Variants in SLC35F4 observed in about 807,000 individuals in gnomAD.
SLC35F4 encodes the protein chromosome 14 open reading frame 36.
Under a neutral mutation model 44.2 loss-of-function variants are expected in SLC35F4, and 24 were observed. That is an observed-to-expected ratio of 0.54 (90% confidence interval 0.39 to 0.76). The LOEUF (loss-of-function observed/expected upper bound fraction) is 0.76. SLC35F4 is among the 30% of genes least tolerant of loss of function. The probability of loss-of-function intolerance (pLI) is 0.00; values close to 1 mark genes in which losing one functional copy is unlikely to be tolerated. For missense variants in SLC35F4, 562 were observed against 586.1 expected, an observed-to-expected ratio of 0.96 and a Z score of 0.42; for synonymous variants, 238 against 223.6, an observed-to-expected ratio of 1.06 and a Z score of -0.57.
At chr14:57,959,520 C>T (rs1181071981) in intron 1 of SLC35F4, among the ~76,000 whole-genome samples, 1 of 152,186 alleles carries the variant, frequency 6.6e-6, no homozygotes, top group Non-Finnish European at 1.5e-5. Flanking sequence ...CAGAAATTAA[C>T]ATCAGGCCTG....
intron 1 of SLC35F4, among the ~76,000 whole-genome samples, chr14:57,920,751 T>C (rs867787376): frequency 6.6e-6 from 1 of 152,228 alleles, no homozygotes; most frequent in Non-Finnish European, 1.5e-5. Context: ...ATAAATATAG[T>C]AATGTATTCT....
At chr14:57,803,354 A>T (rs191698072) in intron 1 of SLC35F4, among the ~76,000 whole-genome samples, 45 of 152,288 alleles carry the variant, frequency 3.0e-4, no homozygotes, top group African/African-American at 1.0e-3. Context: ...TATCATACTG[A>T]CTGGGCAAAA....
At chr14:57,681,996 C>A (rs1391920852) in intron 1 of SLC35F4, among the ~76,000 whole-genome samples, 1 of 152,154 alleles carries the variant, frequency 6.6e-6, no homozygotes, top group Non-Finnish European at 1.5e-5. Flanking sequence ...TAGGAAACAA[C>A]AGATGCTGGT....
At chr14:57,616,814 A>G (rs1031126436) in intron 1 of SLC35F4, among the ~76,000 whole-genome samples, 3 of 152,054 alleles carry the variant, frequency 2.0e-5, no homozygotes, top group Non-Finnish European at 4.4e-5. Flanking sequence ...AATAAGGACT[A>G]AGTTCCCCTT....
intron 1 of SLC35F4, among the ~76,000 whole-genome samples, chr14:57,633,799 G>C (rs1040196324): frequency 6.6e-6 from 1 of 152,050 alleles, no homozygotes; most frequent in African/African-American, 2.4e-5. Context: ...TTTGAGGCTG[G>C]CTTTCTTCAC....
chr14:57,777,413 G>A (rs1210052440), intron 1 of SLC35F4, among the ~76,000 whole-genome samples: 1 of 152,226 alleles, frequency 6.6e-6, no homozygotes, highest in Non-Finnish European at 1.5e-5. Flanking sequence ...TTAAGAAAAT[G>A]TGGCACATAT....
chr14:57,596,375 C>A, intron 1 of SLC35F4: 1 of 240,280 alleles, frequency 4.2e-6, no homozygotes, highest in Non-Finnish European at 8.2e-6. Flanking sequence ...ATACCTTGTA[C>A]AGCTATGTTT....
At chr14:57,622,111 C>T (rs1259757568) in intron 1 of SLC35F4, among the ~76,000 whole-genome samples, 1 of 133,454 alleles carries the variant, frequency 7.5e-6, no homozygotes, top group African/African-American at 2.8e-5. Flanking sequence ...ATCAAAACCA[C>T]AATGAGATAC....
At chr14:57,617,225 G>A (rs1381871962) in intron 1 of SLC35F4, among the ~76,000 whole-genome samples, 4 of 139,944 alleles carry the variant, frequency 2.9e-5, no homozygotes, top group Non-Finnish European at 4.5e-5. Context: ...CCACCTCCCG[G>A]GTTCATGCCA....
chr14:57,766,033 G>A (rs1375426911), intron 1 of SLC35F4, among the ~76,000 whole-genome samples: 1 of 152,148 alleles, frequency 6.6e-6, no homozygotes, highest in African/African-American at 2.4e-5. Context: ...TTAGAAGAAG[G>A]TGACCCCCTT....
intron 1 of SLC35F4, among the ~76,000 whole-genome samples, chr14:57,633,987 G>A (rs917243160): frequency 6.6e-6 from 1 of 152,078 alleles, no homozygotes; most frequent in South Asian, 2.1e-4. Context: ...AAAAGGGGAT[G>A]TAGGAGAGTT....
rs569303875 is a variant in SLC35F4 at position 57,814,517 on chromosome 14, G to A, written c.103+51206C>T. ...AAAGATGCTGTTTGCAAACTCTGAC[G>A]CTTTCCCTAAATCAAAGAACTCATT... On this transcript the variant is annotated intron_variant, in intron 1 of 7. Transcript: ENST00000556826. Among the ~76,000 whole-genome samples, 73 of 152,300 alleles carry A rather than the reference G, an allele frequency of 4.8e-4. 1 individual carries two copies. Among genetic ancestry groups the A allele is most frequent in the Non-Finnish European group, 7.6e-4 (52 of 68,020 alleles).
chr14:57,630,747 T>G (rs2072730513), intron 1 of SLC35F4: 1 of 528,664 alleles, frequency 1.9e-6, no homozygotes, highest in African/African-American at 1.9e-5. Context: ...TAGTTTGGTT[T>G]ACCTAAATTA....
intron 1 of SLC35F4, among the ~76,000 whole-genome samples, chr14:57,838,920 A>G (rs1442860269): frequency 6.6e-6 from 1 of 152,214 alleles, no homozygotes; most frequent in Non-Finnish European, 1.5e-5. Flanking sequence ...AAAAATAGGT[A>G]GGGACCATAT....
At chr14:57,852,412 T>C (rs79258389) in intron 1 of SLC35F4, among the ~76,000 whole-genome samples, 8,804 of 152,186 alleles carry the variant, frequency 0.058, 884 homozygotes, top group African/African-American at 0.2. Flanking sequence ...TAAGATCTTA[T>C]AAGCTGCGTT....
chr14:57,648,736 C>G (rs1340049352), intron 1 of SLC35F4, among the ~76,000 whole-genome samples: 2 of 152,154 alleles, frequency 1.3e-5, no homozygotes, highest in Admixed American at 1.3e-4. Context: ...AAAATAAAAT[C>G]TAAGCTTTAT....
At chr14:57,934,087 G>C (rs2141067856) in intron 1 of SLC35F4, among the ~76,000 whole-genome samples, 1 of 152,062 alleles carries the variant, frequency 6.6e-6, no homozygotes, top group East Asian at 1.9e-4. Flanking sequence ...TTTTTAAAAA[G>C]TTTTAAAAGC....
chr14:57,978,847 T>A (rs374928066), intron 1 of SLC35F4, among the ~76,000 whole-genome samples: 11 of 152,294 alleles, frequency 7.2e-5, no homozygotes, highest in African/African-American at 2.6e-4. Flanking sequence ...TGAAACTACC[T>A]CTTGGTCATC....
At chr14:57,924,336 T>A (rs1411486433) in intron 1 of SLC35F4, among the ~76,000 whole-genome samples, 2 of 152,196 alleles carry the variant, frequency 1.3e-5, no homozygotes, top group Non-Finnish European at 2.9e-5. Context: ...TGACAGCTTG[T>A]CTACTCATGG....
Sources: gnomAD v4.1 joint callset for allele counts (sites outside exome capture counted in the v4.1 genomes callset) on GRCh38, gnomAD v4.1.1 for gene constraint, MANE v1.5 for transcripts, NCBI Gene and HGNC (gene_info 2026-07-23, HGNC 2026-07-21) for gene names.